Variants in KIF1B observed in about 807,000 individuals in gnomAD.
The protein encoded by KIF1B is kinesin family member 1B, also known as kinesin-like protein KIF1B.
Under a neutral mutation model 241.9 loss-of-function variants are expected in KIF1B, and 76 were observed. The ratio of observed to expected loss-of-function variants is 0.31; its 90% confidence interval spans 0.26 to 0.38. The LOEUF is 0.38. KIF1B is among the 10% of genes least tolerant of loss of function. The pLI, the probability that KIF1B is intolerant of heterozygous loss-of-function variation, is 1.00. For synonymous variants in KIF1B, 750 were observed against 796.7 expected, an observed-to-expected ratio of 0.94 and a Z score of 0.99; for missense variants, 1,622 against 2,271.4, an observed-to-expected ratio of 0.71 and a Z score of 5.81.
At chr1:10,304,093 A>T (rs1317410270) in intron 22 of KIF1B, 5 of 1,613,934 alleles carry the variant, frequency 3.1e-6, no homozygotes, top group Non-Finnish European at 4.2e-6. Context: ...TAAACACAGA[A>T]ACTCTTGGAG....
chr1:10,323,785 C>G (rs1651613998), intron 24 of KIF1B, 99 bp from the exon 25 acceptor site: 1 of 943,068 alleles, frequency 1.1e-6, no homozygotes, highest in Admixed American at 1.9e-5. Context: ...ATTTGTTGAG[C>G]ACATTCGACC....
rs994221714 is a variant in KIF1B at position 10,311,744 on chromosome 1, C to G, written c.2116-8299C>G. ...TTCTCTTGGCTTCTTTTCCTTGAACCTTTCCAGCTGCTCCATCATGGTCTG... is the reference window on the plus strand; with the variant it reads ...TTCTCTTGGCTTCTTTTCCTTGAACGTTTCCAGCTGCTCCATCATGGTCTG... On this transcript the variant is annotated intron_variant, in intron 22 of 48. Coordinates refer to ENST00000676179, the MANE Select transcript of KIF1B (RefSeq NM_001365951.3). 1.9e-4 allele frequency among the ~76,000 whole-genome samples: 29 copies of G among 151,364 alleles called. 1 individual carries two copies. Among genetic ancestry groups the G allele is most frequent in the African/African-American group, 6.4e-4 (26 of 40,702 alleles).
intron 2 of KIF1B, among the ~76,000 whole-genome samples, chr1:10,251,264 A>G (rs1448735304): frequency 6.6e-6 from 1 of 152,116 alleles, no homozygotes; most frequent in African/African-American, 2.4e-5. Flanking sequence ...AGAAAGGAAT[A>G]TTGAAGAAGA....
chr1:10,264,131 A>T (rs1648312338), intron 5 of KIF1B, among the ~76,000 whole-genome samples: 1 of 151,994 alleles, frequency 6.6e-6, no homozygotes, highest in African/African-American at 2.4e-5. Context: ...TCTCTTCCCC[A>T]TTCTATTTTC....
At chr1:10,246,371 T>C (rs956792269) in intron 2 of KIF1B, among the ~76,000 whole-genome samples, 1 of 152,206 alleles carries the variant, frequency 6.6e-6, no homozygotes, top group African/African-American at 2.4e-5. Context: ...ATTTCTACTC[T>C]AGTCAAGATA....
intron 2 of KIF1B, among the ~76,000 whole-genome samples, chr1:10,253,042 A>T (rs1647556143): frequency 2.0e-5 from 3 of 152,140 alleles, no homozygotes; most frequent in Admixed American, 6.5e-5. Context: ...AGAATTTTAA[A>T]CAATGCCTAC....
intron 48 of KIF1B, among the ~76,000 whole-genome samples, chr1:10,376,092 C>T (rs1213240902): frequency 6.6e-6 from 1 of 151,942 alleles, no homozygotes; most frequent in Non-Finnish European, 1.5e-5. Context: ...CGTGAGCCAC[C>T]ACATCTGGCT....
chr1:10,336,550 C>G, intron 28 of KIF1B, 107 bp from the exon 29 acceptor site: 1 of 865,950 alleles, frequency 1.2e-6, no homozygotes, highest in Non-Finnish European at 2.0e-6. Context: ...ACTTTGGTAT[C>G]ATTCTCTCAT....
intron 22 of KIF1B, chr1:10,306,877 ATT>A (rs1209671475): frequency 2.9e-6 from 3 of 1,042,386 alleles, no homozygotes; most frequent in Non-Finnish European, 3.5e-6. Flanking sequence ...AGGTCCATAT[ATT>A]TTCATTCTTA....
At chr1:10,214,484 T>C (rs369535037) in intron 1 of KIF1B, among the ~76,000 whole-genome samples, 1 of 148,890 alleles carries the variant, frequency 6.7e-6, no homozygotes, top group Non-Finnish European at 1.5e-5. Context: ...GAGATGGGGT[T>C]TCACCATGTT....
At chr1:10,241,964 T>C (rs929902593) in intron 2 of KIF1B, among the ~76,000 whole-genome samples, 14 of 152,290 alleles carry the variant, frequency 9.2e-5, no homozygotes, top group Non-Finnish European at 1.5e-4. Context: ...AAGTGGGCAT[T>C]CATAGTTCAG....
Position 10,348,793 on chromosome 1 carries a change from T to A in KIF1B, c.3949+60T>A, listed in dbSNP as rs74964979. On this transcript the variant is annotated intron_variant, in intron 37 of 48. Transcript: ENST00000676179. The stretch of plus-strand genomic sequence containing the variant: ...GACTTACAGAGATTTTTTTTTTTTT[T>A]GAGATAGGGTCTTGCTCTGTCACCC... 1.9e-5 allele frequency: 23 copies of A among 1,179,752 alleles called. 2 individuals carry two copies. The African/African-American group carries it at 2.3e-4, about 12-fold the overall frequency. The allele number at this position is 1,179,752 out of a possible 1,614,324, so 73.1% of individuals were successfully genotyped here.
intron 1 of KIF1B, among the ~76,000 whole-genome samples, chr1:10,213,757 A>T (rs113050274): frequency 6.6e-6 from 1 of 152,202 alleles, no homozygotes; most frequent in Non-Finnish European, 1.5e-5. Flanking sequence ...GTGAATAAAT[A>T]TGCATACTTC....
intron 1 of KIF1B, among the ~76,000 whole-genome samples, chr1:10,217,440 C>T (rs1037684735): frequency 2.0e-5 from 3 of 151,190 alleles, no homozygotes; most frequent in East Asian, 2.0e-4. Flanking sequence ...GCCTCGGCCA[C>T]CTGAGCAGCT....
At chr1:10,274,573 T>C (rs187754864) in intron 10 of KIF1B, among the ~76,000 whole-genome samples, 1 of 152,292 alleles carries the variant, frequency 6.6e-6, no homozygotes, top group Admixed American at 6.5e-5. Context: ...TAAATATTAT[T>C]TTACAAGAGT....
At chr1:10,293,390 GA>G (rs1485812017) in intron 17 of KIF1B, among the ~76,000 whole-genome samples, 15 of 135,812 alleles carry the variant, frequency 1.1e-4, no homozygotes, top group Non-Finnish European at 1.5e-4. Context: ...AGACTGTGAG[GA>G]AATTTTTTTT....
intron 37 of KIF1B, among the ~76,000 whole-genome samples, chr1:10,351,086 A>AG (rs1372720550): frequency 6.6e-6 from 1 of 151,770 alleles, no homozygotes; most frequent in Non-Finnish European, 1.5e-5. Context: ...AAAAAAAAAA[A>AG]AAAAGAATCG....
Position 10,326,390 on chromosome 1 carries a change from A to G in KIF1B, c.2924+31A>G. 1 of 1,613,636 alleles carries G rather than the reference A, an allele frequency of 6.2e-7. No homozygotes were observed. The highest frequency in any genetic ancestry group is 1.3e-5 in the African/African-American group (1 of 75,036). On this transcript the variant is annotated intron_variant, in intron 27 of 48. Coordinates refer to ENST00000676179, the MANE Select transcript of KIF1B (RefSeq NM_001365951.3). This position sits in a 1 kb window ranked among gnomAD's most constrained non-coding sequence, Gnocchi z 5.2. Reference sequence around the variant, plus strand: ...TGAGGTTATTGTGAGAAAGGCGAAAAGGGACCAGCTCTTGCTCTGAAGGCC... The same window carrying G: ...TGAGGTTATTGTGAGAAAGGCGAAAGGGGACCAGCTCTTGCTCTGAAGGCC...
At chr1:10,296,253 A>G (rs968610635) in intron 19 of KIF1B, among the ~76,000 whole-genome samples, 2 of 152,118 alleles carry the variant, frequency 1.3e-5, no homozygotes, top group Admixed American at 6.5e-5. Context: ...GTTTCTGGTT[A>G]TTACCTATAT....
Sources: allele counts gnomAD v4.1 joint callset (sites outside exome capture counted in the v4.1 genomes callset), GRCh38; gene constraint gnomAD v4.1.1; non-coding constraint Gnocchi (gnomAD v3.1); transcripts MANE v1.5; gene names NCBI Gene and HGNC (gene_info 2026-07-23, HGNC 2026-07-21).